Variants in AGBL4 observed in about 807,000 individuals in gnomAD.
AGBL4 encodes the protein AGBL carboxypeptidase 4, also known as cytosolic carboxypeptidase 6.
Under a neutral mutation model 66.4 loss-of-function variants are expected in AGBL4, and 58 were observed. The ratio of observed to expected loss-of-function variants is 0.87; its 90% CI spans 0.71 to 1.09. The LOEUF is 1.09. Among genes scored for constraint, AGBL4 ranks in the 50% least tolerant of loss-of-function variants. The probability of loss-of-function intolerance (pLI) is 0.00; values close to 1 mark genes in which losing one functional copy is unlikely to be tolerated. For synonymous variants in AGBL4, 234 were observed against 222.9 expected, an observed-to-expected ratio of 1.05 and a Z score of -0.44; for missense variants, 579 against 631.0, an observed-to-expected ratio of 0.92 and a Z score of 0.88.
intron 7 of AGBL4, among the ~76,000 whole-genome samples, chr1:48,654,633 G>A (rs150023480): frequency 5.3e-5 from 8 of 152,340 alleles, no homozygotes; most frequent in Non-Finnish European, 1.2e-4. Flanking sequence ...AGAAAGGTAG[G>A]TTTGATAGAT....
At chr1:48,526,030 T>G in the AGBL4 span, among the ~76,000 whole-genome samples, 6 of 152,104 alleles carry the variant, frequency 3.9e-5, no homozygotes, top group African/African-American at 1.4e-4. Context: ...GTTAAGACAA[T>G]CATTTCACAG....
chr1:49,682,107 C>T (rs915096831), intron 3 of AGBL4, among the ~76,000 whole-genome samples: 1 of 151,900 alleles, frequency 6.6e-6, no homozygotes, highest in Non-Finnish European at 1.5e-5. Flanking sequence ...GATTACTTTC[C>T]TTGATTAAAA....
chr1:48,884,813 G>C (rs1246302656), intron 5 of AGBL4, among the ~76,000 whole-genome samples: 4 of 152,064 alleles, frequency 2.6e-5, no homozygotes, highest in Non-Finnish European at 5.9e-5. Flanking sequence ...GCTCCCTACA[G>C]AGAAAGAACA....
intron 6 of AGBL4, among the ~76,000 whole-genome samples, chr1:48,848,655 A>T (rs996256885): frequency 2.6e-5 from 4 of 152,136 alleles, no homozygotes; most frequent in Admixed American, 6.5e-5. Context: ...CAATTTTCTC[A>T]TTTTGCTAAC....
At chr1:49,384,828 A>C (rs1240107983) in intron 3 of AGBL4, among the ~76,000 whole-genome samples, 1 of 152,192 alleles carries the variant, frequency 6.6e-6, no homozygotes, top group Non-Finnish European at 1.5e-5. Flanking sequence ...GCCTCTCTAG[A>C]AAAATAGCAG....
chr1:49,057,488 A>G (rs1028772882), intron 4 of AGBL4, among the ~76,000 whole-genome samples: 1 of 152,220 alleles, frequency 6.6e-6, no homozygotes. Context: ...CACAATTTCC[A>G]GTTATGCTGG....
intron 6 of AGBL4, among the ~76,000 whole-genome samples, chr1:48,680,890 G>A (rs574019815): frequency 1.8e-4 from 28 of 152,310 alleles, no homozygotes; most frequent in Admixed American, 4.6e-4. Flanking sequence ...GCTCCTGCTT[G>A]CAGGTAATAG....
At chr1:49,881,353 G>T (rs949945384) in intron 1 of AGBL4, among the ~76,000 whole-genome samples, 6 of 152,120 alleles carry the variant, frequency 3.9e-5, no homozygotes, top group Non-Finnish European at 7.3e-5. Flanking sequence ...ACATACGTGT[G>T]CATCTGTCTT....
intron 3 of AGBL4, among the ~76,000 whole-genome samples, chr1:49,324,168 C>T (rs992841999): frequency 2.3e-4 from 35 of 152,314 alleles, no homozygotes; most frequent in African/African-American, 8.4e-4. Context: ...CTATCTGCCG[C>T]AAAACAAATT....
intron 6 of AGBL4, among the ~76,000 whole-genome samples, chr1:48,854,299 G>A (rs1482024317): frequency 6.6e-6 from 1 of 152,122 alleles, no homozygotes; most frequent in African/African-American, 2.4e-5. Flanking sequence ...ATAGCTCCTA[G>A]ACTCTGTGGT....
At chr1:49,824,857 C>A (rs566702077) in intron 2 of AGBL4, among the ~76,000 whole-genome samples, 1 of 152,164 alleles carries the variant, frequency 6.6e-6, no homozygotes, top group Non-Finnish European at 1.5e-5. Flanking sequence ...TCATAAGATG[C>A]GTGGGCTTCA....
At chr1:48,818,555 G>C (rs1328080039) in intron 6 of AGBL4, among the ~76,000 whole-genome samples, 1 of 152,106 alleles carries the variant, frequency 6.6e-6, no homozygotes, top group Non-Finnish European at 1.5e-5. Flanking sequence ...GCCTGTGATT[G>C]AATTTTTTAT....
chr1:48,786,123 T>C (rs1358333196), intron 6 of AGBL4, among the ~76,000 whole-genome samples: 1 of 152,134 alleles, frequency 6.6e-6, no homozygotes, highest in East Asian at 1.9e-4. Flanking sequence ...AACTGTGAAC[T>C]CTGATTTTCT....
chr1:48,591,012 G>T, intron 9 of AGBL4, 27 bp from the exon 10 acceptor site: 1 of 1,589,232 alleles, frequency 6.3e-7, no homozygotes, highest in Non-Finnish European at 8.6e-7. Flanking sequence ...TAACAAATGA[G>T]AAGTCTGGGC....
intron 2 of AGBL4, among the ~76,000 whole-genome samples, chr1:49,735,680 G>A (rs546385876): frequency 6.6e-6 from 1 of 152,036 alleles, no homozygotes; most frequent in African/African-American, 2.4e-5. Context: ...ATATTAAAAA[G>A]GAAATACACA....
At chr1:49,869,288 C>T (rs188196661) in intron 1 of AGBL4, among the ~76,000 whole-genome samples, 3 of 152,200 alleles carry the variant, frequency 2.0e-5, no homozygotes, top group African/African-American at 4.8e-5. Flanking sequence ...TAAAGATACA[C>T]TCATGTGCAT....
chr1:49,881,125 T>C (rs1647254241), intron 1 of AGBL4, among the ~76,000 whole-genome samples: 1 of 152,168 alleles, frequency 6.6e-6, no homozygotes, highest in African/African-American at 2.4e-5. Context: ...GTCTTCTGCG[T>C]CGCTCACGCT....
chr1:48,866,769 T>G (rs915433496), intron 6 of AGBL4, among the ~76,000 whole-genome samples: 1 of 152,178 alleles, frequency 6.6e-6, no homozygotes, highest in African/African-American at 2.4e-5. Context: ...CAACCAAATC[T>G]GCTCACTTTC....
intron 3 of AGBL4, among the ~76,000 whole-genome samples, chr1:49,325,479 A>G (rs1279774222): frequency 4.6e-5 from 7 of 152,210 alleles, no homozygotes; most frequent in African/African-American, 1.7e-4. Flanking sequence ...TATAATACCC[A>G]GAAGCCATTA....
Sources: gnomAD v4.1 joint callset for allele counts (sites outside exome capture counted in the v4.1 genomes callset) on GRCh38, gnomAD v4.1.1 for gene constraint, MANE v1.5 for transcripts, NCBI Gene and HGNC (gene_info 2026-07-23, HGNC 2026-07-21) for gene names.